Variants in THRB observed in about 807,000 individuals in gnomAD.
The protein encoded by THRB is thyroid hormone receptor beta, also known as nuclear receptor subfamily 1 group A member 2.
Under a neutral mutation model 47.8 loss-of-function variants are expected in THRB, and 12 were observed. The observed-to-expected ratio is 0.25, with a 90% CI of 0.16 to 0.41. The LOEUF is 0.41. Ranked by LOEUF, THRB falls within the 10% of genes least tolerant of loss-of-function variation. THRB has a pLI of 1.00. For synonymous variants in THRB, 218 were observed against 212.2 expected (o/e 1.03, Z -0.24); for missense variants, 348 against 589.2 (o/e 0.59, Z 4.24).
At chr3:24,453,374 G>A (rs1372479329) in intron 1 of THRB, among the ~76,000 whole-genome samples, 1 of 152,182 alleles carries the variant, frequency 6.6e-6, no homozygotes, top group Non-Finnish European at 1.5e-5. Context: ...TAGTAAGAGA[G>A]GAAGTTAGTA....
chr3:24,377,768 C>T (rs2065399716), intron 1 of THRB, among the ~76,000 whole-genome samples: 1 of 152,128 alleles, frequency 6.6e-6, no homozygotes, highest in Non-Finnish European at 1.5e-5. Flanking sequence ...GGGCCAATCT[C>T]TTACCTTCCC....
At chr3:24,174,013 C>T (rs929393205) in intron 5 of THRB, among the ~76,000 whole-genome samples, 3 of 152,060 alleles carry the variant, frequency 2.0e-5, no homozygotes, top group African/African-American at 7.2e-5. Context: ...TATGACTGGC[C>T]ACATTTTAAA....
intron 2 of THRB, among the ~76,000 whole-genome samples, chr3:24,314,523 T>A (rs1055011544): frequency 9.2e-5 from 14 of 152,340 alleles, no homozygotes; most frequent in African/African-American, 3.4e-4. Context: ...GTCTTTTTTT[T>A]AAATAACATC....
chr3:24,339,895 T>G (rs7635707), intron 1 of THRB, among the ~76,000 whole-genome samples: 76,867 of 152,150 alleles, frequency 0.51, 20,892 homozygotes, highest in African/African-American at 0.68. Flanking sequence ...TGTGTGTTCT[T>G]TGCACATTTT....
chr3:24,302,906 A>T (rs1418774462), intron 2 of THRB, among the ~76,000 whole-genome samples: 1 of 152,242 alleles, frequency 6.6e-6, no homozygotes, highest in East Asian at 1.9e-4. Flanking sequence ...ACGAATGGCT[A>T]TAAAGAAGAC....
At chr3:24,469,578 A>G (rs924596670) in intron 1 of THRB, among the ~76,000 whole-genome samples, 3 of 152,246 alleles carry the variant, frequency 2.0e-5, no homozygotes, top group African/African-American at 7.2e-5. Flanking sequence ...TCTGAAGAGT[A>G]TAATGAAATA....
intron 1 of THRB, among the ~76,000 whole-genome samples, chr3:24,383,434 A>C (rs974487809): frequency 1.7e-4 from 26 of 152,128 alleles, no homozygotes; most frequent in African/African-American, 5.8e-4. Flanking sequence ...CTTGCTCTTT[A>C]TTTTAAATAT....
chr3:24,288,448 G>C (rs563517626), intron 3 of THRB, among the ~76,000 whole-genome samples: 2 of 152,266 alleles, frequency 1.3e-5, no homozygotes, highest in Admixed American at 6.5e-5. Context: ...GCAGGATTCT[G>C]TCTACTTTCT....
chr3:24,154,432 T>C (rs1236990251), intron 5 of THRB, among the ~76,000 whole-genome samples: 1 of 152,212 alleles, frequency 6.6e-6, no homozygotes, highest in Non-Finnish European at 1.5e-5. Context: ...TGTAAACTCA[T>C]AAGCTGAGTT....
chr3:24,188,858 A>AATAT (rs34740399), intron 5 of THRB, among the ~76,000 whole-genome samples: 5,242 of 94,214 alleles, frequency 0.056, 503 homozygotes, highest in East Asian at 0.073. Flanking sequence ...GATCTCCTCA[A>AATAT]ATATATATAT....
At chr3:24,476,363 T>C (rs1695448818) in intron 1 of THRB, among the ~76,000 whole-genome samples, 1 of 152,242 alleles carries the variant, frequency 6.6e-6, no homozygotes, top group Non-Finnish European at 1.5e-5. Flanking sequence ...AAAGTTTTAC[T>C]ATCTAAATTT....
intron 1 of THRB, among the ~76,000 whole-genome samples, chr3:24,446,908 C>T (rs2072143693): frequency 6.6e-6 from 1 of 152,012 alleles, no homozygotes; most frequent in African/African-American, 2.4e-5. Flanking sequence ...TTTGGGTGGG[C>T]CCAAATAATC....
rs538182780 is a variant in THRB, at chr3:24,467,359, A to T, written c.-261+27293T>A. Among the ~76,000 whole-genome samples the T allele has an allele frequency of 3.2e-4, 49 of 152,308 alleles. 1 individual carries two copies. Among genetic ancestry groups the T allele is most frequent in the African/African-American group, 1.1e-3 (44 of 41,574 alleles). ...TTCTTCCAAACTCCTGTTAATGTTG[A>T]TATTTTGACCTCCTCCCAGGAATCA... On this transcript the variant is annotated intron_variant, in intron 1 of 10. Transcript: ENST00000646209.
At chr3:24,151,760 T>G (rs916319516) in intron 6 of THRB, among the ~76,000 whole-genome samples, 8 of 152,240 alleles carry the variant, frequency 5.3e-5, no homozygotes, top group African/African-American at 1.9e-4. Context: ...GTGAATGGAC[T>G]GATCACTGGT....
intron 7 of THRB, among the ~76,000 whole-genome samples, chr3:24,145,533 T>C (rs1398927354): frequency 3.9e-5 from 6 of 152,188 alleles, no homozygotes. Flanking sequence ...CATATCCCTA[T>C]CAGGCATATT....
intron 5 of THRB, among the ~76,000 whole-genome samples, chr3:24,169,242 G>C (rs868602116): frequency 1.3e-5 from 2 of 152,226 alleles, no homozygotes; most frequent in Middle Eastern, 6.8e-3. Flanking sequence ...TGGCCAACGA[G>C]ATGTAATAGA....
intron 3 of THRB, among the ~76,000 whole-genome samples, chr3:24,265,083 G>C (rs1166720806): frequency 1.3e-5 from 2 of 152,160 alleles, no homozygotes; most frequent in Non-Finnish European, 2.9e-5. Context: ...GGATAAAAAA[G>C]GGTTAGCCAT....
At chr3:24,405,642 C>G (rs1340364058) in intron 1 of THRB, among the ~76,000 whole-genome samples, 3 of 151,542 alleles carry the variant, frequency 2.0e-5, no homozygotes, top group Non-Finnish European at 4.4e-5. Context: ...GCAACTTGAT[C>G]AAGTCTTTTC....
chr3:24,206,190 G>A (rs1336462138), intron 4 of THRB, among the ~76,000 whole-genome samples: 2 of 152,162 alleles, frequency 1.3e-5, no homozygotes, highest in Non-Finnish European at 1.5e-5. Context: ...CAAATCAACA[G>A]AATATACATT....
Sources: gnomAD v4.1 joint callset for allele counts (sites outside exome capture counted in the v4.1 genomes callset) on GRCh38, gnomAD v4.1.1 for gene constraint, MANE v1.5 for transcripts, NCBI Gene and HGNC (gene_info 2026-07-23, HGNC 2026-07-21) for gene names.